Variants in PIGL observed in about 807,000 individuals in gnomAD.
PIGL encodes N-acetylglucosaminyl-phosphatidylinositol de-N-acetylase.
A neutral mutation model predicts 31.1 loss-of-function variants in PIGL; 22 were observed. The observed-to-expected ratio is 0.71, with a 90% CI of 0.51 to 1.01. PIGL has a LOEUF of 1.01. Among genes scored for constraint, PIGL ranks in the 50% least tolerant of loss-of-function variants. The pLI is 0.00. For missense variants in PIGL, 302 were observed against 315.9 expected, an observed-to-expected ratio of 0.96 and a Z score of 0.33; for synonymous variants, 131 against 117.4, an observed-to-expected ratio of 1.12 and a Z score of -0.75.
At chr17:16,297,811 G>A (rs1472350685) in intron 2 of PIGL, among the ~76,000 whole-genome samples, 1 of 152,124 alleles carries the variant, frequency 6.6e-6, no homozygotes, top group African/African-American at 2.4e-5. Context: ...AAAGTACAAA[G>A]CTGCCCTCTG....
At chr17:16,234,871 C>G (rs1325655378) in intron 2 of PIGL, among the ~76,000 whole-genome samples, 1 of 152,134 alleles carries the variant, frequency 6.6e-6, no homozygotes, top group African/African-American at 2.4e-5. Flanking sequence ...GGGTACTTCT[C>G]TTTACATCTA....
At chr17:16,309,693 A>G (rs929377400) in intron 3 of PIGL, among the ~76,000 whole-genome samples, 1 of 151,750 alleles carries the variant, frequency 6.6e-6, no homozygotes, top group Admixed American at 6.6e-5. Context: ...CCCAGGAGGT[A>G]GAAGTTGCAG....
chr17:16,230,483 A>G (rs758856760), intron 1 of PIGL, among the ~76,000 whole-genome samples: 3 of 152,178 alleles, frequency 2.0e-5, no homozygotes, highest in Non-Finnish European at 2.9e-5. Flanking sequence ...CCCTCATTTT[A>G]TAGGGGAAGA....
At chr17:16,300,372 C>A (rs555828623) in intron 3 of PIGL, among the ~76,000 whole-genome samples, 1 of 152,198 alleles carries the variant, frequency 6.6e-6, no homozygotes, top group South Asian at 2.1e-4. Flanking sequence ...CACAGAGTAT[C>A]ATTTTAACTT....
At chr17:16,323,609 C>CTTTTTTT (rs34518917) in intron 6 of PIGL, among the ~76,000 whole-genome samples, 3 of 96,806 alleles carry the variant, frequency 3.1e-5, no homozygotes, top group Admixed American at 1.2e-4. Flanking sequence ...TAACACTGAT[C>CTTTTTTT]TTTTTTTTTT....
intron 1 of PIGL, among the ~76,000 whole-genome samples, chr17:16,230,298 G>A (rs1395175425): frequency 3.9e-5 from 6 of 152,200 alleles, no homozygotes; most frequent in East Asian, 3.9e-4. Context: ...CTTGCCAACC[G>A]AGGGTTGGTA....
At chr17:16,295,096 C>A (rs893627733) in intron 2 of PIGL, among the ~76,000 whole-genome samples, 7 of 152,104 alleles carry the variant, frequency 4.6e-5, no homozygotes, top group African/African-American at 1.4e-4. Context: ...ATCCGTCCAT[C>A]GGGGGACTTA....
intron 2 of PIGL, among the ~76,000 whole-genome samples, chr17:16,290,612 T>C (rs574707289): frequency 6.6e-6 from 1 of 152,234 alleles, no homozygotes; most frequent in African/African-American, 2.4e-5. Flanking sequence ...CTTGAAGCCC[T>C]GGCCCAAGCA....
chr17:16,286,098 G>T (rs189722924), intron 2 of PIGL, among the ~76,000 whole-genome samples: 17 of 152,366 alleles, frequency 1.1e-4, no homozygotes, highest in Admixed American at 3.9e-4. Context: ...GGAAATGATC[G>T]AGTTTAGAGA....
chr17:16,228,632 C>A (rs987438898), intron 1 of PIGL, among the ~76,000 whole-genome samples: 8 of 152,092 alleles, frequency 5.3e-5, no homozygotes, highest in African/African-American at 1.9e-4. Context: ...TCGTGATCCG[C>A]CCGCCTTGGC....
intron 2 of PIGL, among the ~76,000 whole-genome samples, chr17:16,298,018 G>A (rs1057089943): frequency 1.1e-4 from 16 of 152,104 alleles, no homozygotes; most frequent in Middle Eastern, 3.2e-3. Context: ...TGAACTCCGC[G>A]TGCGAGGGAT....
chr17:16,317,490 T>C (rs946487265), intron 5 of PIGL: 3 of 1,151,920 alleles, frequency 2.6e-6, no homozygotes, highest in Non-Finnish European at 3.2e-6. Context: ...TTTACTTCCT[T>C]TGGCTTTGAG....
intron 2 of PIGL, among the ~76,000 whole-genome samples, chr17:16,287,200 C>T (rs2092942059): frequency 6.6e-6 from 1 of 152,218 alleles, no homozygotes; most frequent in Non-Finnish European, 1.5e-5. Context: ...CAGGCCCACA[C>T]TGCTCCTCCT....
At chr17:16,324,324 T>G (rs1405838883) in intron 6 of PIGL, 2 of 151,952 alleles carry the variant, frequency 1.3e-5, no homozygotes, top group Non-Finnish European at 2.9e-5. Context: ...TTATCTTCTA[T>G]TTTATATTTA....
chr17:16,238,511 C>T lies in PIGL; in HGVS notation c.335+4441C>T, dbSNP rs867919663. On this transcript the variant is annotated intron_variant, in intron 2 of 6. Coordinates refer to ENST00000225609, the MANE Select transcript of PIGL (RefSeq NM_004278.4). Reference sequence around the variant, plus strand: ...AGTGCAGTGGTGTGATCTCAGCTCACTGCAACCTCCTCCTCCTGTGTTCAA... The same window carrying T: ...AGTGCAGTGGTGTGATCTCAGCTCATTGCAACCTCCTCCTCCTGTGTTCAA... Among the ~76,000 whole-genome samples the T allele has an allele frequency of 6.2e-5, 9 of 145,716 alleles. No individual in the cohort carries two copies. The South Asian group carries it at 2.0e-3, about 33-fold the overall frequency.
intron 6 of PIGL, among the ~76,000 whole-genome samples, chr17:16,319,330 A>G (rs1448630645): frequency 6.6e-6 from 1 of 151,964 alleles, no homozygotes; most frequent in Admixed American, 6.6e-5. Flanking sequence ...CTGTATGTAT[A>G]TACCATAAGA....
At chr17:16,247,518 G>C (rs1460057695) in intron 2 of PIGL, among the ~76,000 whole-genome samples, 1 of 152,204 alleles carries the variant, frequency 6.6e-6, no homozygotes, top group Non-Finnish European at 1.5e-5. Context: ...CCCCAGGCAA[G>C]GCCAAAACCT....
At chr17:16,296,906 G>C (rs1291804222) in intron 2 of PIGL, among the ~76,000 whole-genome samples, 1 of 151,764 alleles carries the variant, frequency 6.6e-6, no homozygotes, top group Non-Finnish European at 1.5e-5. Flanking sequence ...ATTTTTAGTA[G>C]AGATGGGGTT....
At chr17:16,290,484 C>G (rs538261815) in intron 2 of PIGL, among the ~76,000 whole-genome samples, 1 of 152,000 alleles carries the variant, frequency 6.6e-6, no homozygotes, top group Non-Finnish European at 1.5e-5. Context: ...GTCTTGATCT[C>G]CCAGGCTCAA....
Sources: allele counts gnomAD v4.1 joint callset (sites outside exome capture counted in the v4.1 genomes callset), GRCh38; gene constraint gnomAD v4.1.1; transcripts MANE v1.5; gene names NCBI Gene and HGNC (gene_info 2026-07-23, HGNC 2026-07-21).